Variants in CCDC13 observed in about 807,000 individuals in gnomAD.
CCDC13 encodes coiled-coil domain containing 13.
In CCDC13, 70 loss-of-function variants were observed where a neutral mutation model predicts 87.3. That is an observed-to-expected ratio of 0.80 (90% CI 0.66 to 0.98). CCDC13 has a LOEUF of 0.98. CCDC13 is among the 50% of genes least tolerant of loss of function. CCDC13 has a pLI of 0.00. For synonymous variants in CCDC13, 317 were observed against 360.3 expected (o/e 0.88, Z 1.36); for missense variants, 842 against 892.0 (o/e 0.94, Z 0.71).
chr3:42,737,456 A>T (rs1358740006), intron 9 of CCDC13, among the ~76,000 whole-genome samples: 1 of 152,214 alleles, frequency 6.6e-6, no homozygotes, highest in African/African-American at 2.4e-5. Flanking sequence ...ATCAAATGGT[A>T]TTTCTAGTTC....
chr3:42,710,360 C>G (rs917696413), intron 14 of CCDC13, among the ~76,000 whole-genome samples: 1 of 152,060 alleles, frequency 6.6e-6, no homozygotes, highest in Non-Finnish European at 1.5e-5. Flanking sequence ...CCATGCCCAG[C>G]CTGGTAATTT....
chr3:42,745,912 GACTC>G lies in CCDC13; in HGVS notation c.825+7_825+10del. The G allele has an allele frequency of 6.2e-7, 1 of 1,601,622 alleles. No homozygotes were observed. The highest frequency in any genetic ancestry group is 1.3e-5 in the African/African-American group (1 of 74,748). ...TTGTTCAGGCCAGGAGAAGTCTGATGACTCACTCACCTTGCTCTGCAAAACAAGA... is the reference window on the plus strand; with the variant it reads ...TTGTTCAGGCCAGGAGAAGTCTGATGACTCACCTTGCTCTGCAAAACAAGA... On this transcript the variant is annotated splice_region_variant and intron_variant, in intron 7 of 15. Transcript: ENST00000310232.
rs150213340 is a variant in CCDC13 at position 42,738,770 on chromosome 3, A to G, written c.1164+864T>C. Among the ~76,000 whole-genome samples, 866 of 152,274 alleles carry G rather than the reference A, an allele frequency of 5.7e-3. 13 individuals are homozygous for G. Among genetic ancestry groups the G allele is most frequent in the South Asian group, 0.024 (116 of 4,824 alleles). On this transcript the variant is annotated intron_variant, in intron 9 of 15. Coordinates refer to ENST00000310232, the MANE Select transcript of CCDC13 (RefSeq NM_144719.4). ...TTTTGCACATTGATTTTGTATCCTG[A>G]GACTCCTGAAGTTGCTTATCAGCTT...
At chr3:42,738,035 T>TC (rs1209102107) in intron 9 of CCDC13, among the ~76,000 whole-genome samples, 1 of 152,266 alleles carries the variant, frequency 6.6e-6, no homozygotes, top group Non-Finnish European at 1.5e-5. Context: ...AGGGTTTTTA[T>TC]GGTCTTAGGT....
intron 5 of CCDC13, among the ~76,000 whole-genome samples, chr3:42,749,468 C>T (rs1367238359): frequency 2.6e-5 from 4 of 152,236 alleles, no homozygotes; most frequent in Non-Finnish European, 5.9e-5. Context: ...CTCCAGGGAA[C>T]CTGAGAGGGT....
At chr3:42,761,841 C>G (rs569326834) in intron 1 of CCDC13, among the ~76,000 whole-genome samples, 27 of 152,290 alleles carry the variant, frequency 1.8e-4, no homozygotes, top group East Asian at 5.8e-4. Flanking sequence ...CCTTCTCCCC[C>G]CAAGGCTTAA....
intron 8 of CCDC13, among the ~76,000 whole-genome samples, chr3:42,740,669 G>C (rs1341552107): frequency 1.3e-5 from 2 of 152,208 alleles, no homozygotes; most frequent in Non-Finnish European, 2.9e-5. Context: ...GACTGAAGGA[G>C]ATGAAGGGAA....
intron 1 of CCDC13, among the ~76,000 whole-genome samples, chr3:42,770,002 T>G (rs974615077): frequency 2.0e-5 from 3 of 152,206 alleles, no homozygotes; most frequent in Non-Finnish European, 4.4e-5. Flanking sequence ...CGCCACCCCC[T>G]GCTCCGCAGC....
At chr3:42,729,674 A>G (rs186774401) in intron 13 of CCDC13, among the ~76,000 whole-genome samples, 11 of 152,328 alleles carry the variant, frequency 7.2e-5, no homozygotes, top group South Asian at 2.1e-4. Context: ...GTTTCCTGCT[A>G]CCAAAGATGC....
intron 14 of CCDC13, among the ~76,000 whole-genome samples, chr3:42,711,107 G>A (rs1047103653): frequency 3.3e-5 from 5 of 152,100 alleles, no homozygotes; most frequent in Non-Finnish European, 7.4e-5. Flanking sequence ...TTAGCAGGGT[G>A]TGGTGGCGAA....
intron 13 of CCDC13, among the ~76,000 whole-genome samples, 178 bp from the exon 14 acceptor site, chr3:42,713,494 G>A (rs1698361661): frequency 6.6e-6 from 1 of 152,126 alleles, no homozygotes. Context: ...TCTCTCCAAG[G>A]TTAAAATTTA....
chr3:42,746,872 C>A, intron 6 of CCDC13: 1 of 330,846 alleles, frequency 3.0e-6, no homozygotes, highest in East Asian at 7.3e-5. Context: ...CAGGTGTTGG[C>A]AGGCTTTCAA....
At chr3:42,738,341 C>A in intron 9 of CCDC13, among the ~76,000 whole-genome samples, 1 of 151,516 alleles carries the variant, frequency 6.6e-6, no homozygotes, top group Non-Finnish European at 1.5e-5. Flanking sequence ...AAGTCAGGTA[C>A]TATGATCCCT....
chr3:42,730,172 A>G (rs1698788220), intron 13 of CCDC13, among the ~76,000 whole-genome samples: 1 of 152,054 alleles, frequency 6.6e-6, no homozygotes, highest in Non-Finnish European at 1.5e-5. Context: ...TTATTGATGG[A>G]TTGATTTGAC....
At chr3:42,761,224 C>A (rs1313950729) in intron 1 of CCDC13, among the ~76,000 whole-genome samples, 1 of 152,176 alleles carries the variant, frequency 6.6e-6, no homozygotes, top group Non-Finnish European at 1.5e-5. Context: ...CTAAAATCTG[C>A]CCCCATGTCT....
Position 42,733,718 on chromosome 3 carries a change from G to T in CCDC13, c.1372-109C>A, listed in dbSNP as rs1304136455. 3.6e-6 allele frequency: 5 copies of T among 1,386,030 alleles called. No individual in the cohort carries two copies. The African/African-American group carries it at 7.3e-5, about 20-fold the overall frequency. 85.9% of individuals were successfully genotyped at this position (1,386,030 alleles called of 1,614,324 possible). A position where few individuals can be genotyped will look rare whatever the true frequency, so the allele number is the denominator to read the frequency against. Reference sequence around the variant, plus strand: ...GGGGCTTTCAGAGGATATGAAAGAGGCTTCTTTTCAGGAGTGAAAAGCGAG... The same window carrying T: ...GGGGCTTTCAGAGGATATGAAAGAGTCTTCTTTTCAGGAGTGAAAAGCGAG... On this transcript the variant is annotated intron_variant, in intron 10 of 15. Coordinates refer to ENST00000310232, the MANE Select transcript of CCDC13 (RefSeq NM_144719.4).
chr3:42,756,950 G>A, intron 3 of CCDC13, 116 bp downstream of exon 3: 1 of 1,056,224 alleles, frequency 9.5e-7, no homozygotes, highest in Non-Finnish European at 1.4e-6. Context: ...GGACAAGCTT[G>A]ATCACAACTG....
intron 7 of CCDC13, among the ~76,000 whole-genome samples, chr3:42,744,697 C>A (rs1699339583): frequency 6.7e-6 from 1 of 148,556 alleles, no homozygotes; most frequent in Non-Finnish European, 1.5e-5. Context: ...CTCAGCTACT[C>A]AGGAGGCTGA....
chr3:42,749,882 G>A (rs1368638563), intron 5 of CCDC13: 1 of 456,726 alleles, frequency 2.2e-6, no homozygotes, highest in Non-Finnish European at 4.4e-6. Flanking sequence ...AATGTGCTTT[G>A]GAGGCCTAGG....
Sources: gnomAD v4.1 joint callset for allele counts (sites outside exome capture counted in the v4.1 genomes callset) on GRCh38, gnomAD v4.1.1 for gene constraint, MANE v1.5 for transcripts, NCBI Gene and HGNC (gene_info 2026-07-23, HGNC 2026-07-21) for gene names.